LLGL2: variants seen among roughly 807,000 people sequenced by gnomAD.
LLGL2 encodes the protein LLGL2, scribble cell polarity complex component.
LLGL2 carries 81 observed loss-of-function variants against 123.2 expected under a neutral mutation model. The ratio of observed to expected loss-of-function variants is 0.66; its 90% CI spans 0.55 to 0.79. The LOEUF is 0.79. Ranked by LOEUF, LLGL2 falls within the 30% of genes least tolerant of loss-of-function variation. The pLI, the probability that LLGL2 is intolerant of heterozygous loss-of-function variation, is 0.00. For synonymous variants in LLGL2, 577 were observed against 594.1 expected (o/e 0.97, Z 0.42); for missense variants, 1,273 against 1,414.6 (o/e 0.90, Z 1.61).
intron 2 of LLGL2, 55 bp from the exon 3 acceptor site, chr17:75,555,991 T>C (rs987821800): frequency 7.2e-6 from 10 of 1,385,630 alleles, no homozygotes; most frequent in Non-Finnish European, 1.0e-5. Context: ...GCAGCAGCCA[T>C]GGTGGCGCGA....
chr17:75,573,138 A>G lies in LLGL2; in HGVS notation c.2585A>G (p.His862Arg). 3 of 1,613,050 alleles carry G rather than the reference A, an allele frequency of 1.9e-6. No homozygotes were observed. Among genetic ancestry groups the G allele is most frequent in the Non-Finnish European group, 1.7e-6 (2 of 1,179,990 alleles). Residue 862 changes from histidine to arginine, a missense_variant, in exon 20 of 26, where the codon CAC (histidine) becomes CGC (arginine). By Grantham distance (29) the His-to-Arg change is conservative (BLOSUM62 0). Coordinates refer to ENST00000392550, the MANE Select transcript of LLGL2 (RefSeq NM_001031803.2). ...GSRRAEDYGE[H>R]HLAVLTNLGD... ...CGTCGAGCCGAGGACTACGGGGAGC[A>G]CCACCTGGCAGTCCTTACCAACCTG...
Position 75,543,799 on chromosome 17 carries a change from C to T in LLGL2, c.75+298C>T, listed in dbSNP as rs563700137. Among the ~76,000 whole-genome samples, 380 of 152,278 alleles carry T rather than the reference C, an allele frequency of 2.5e-3. 1 individual carries two copies. Among genetic ancestry groups the T allele is most frequent in the Non-Finnish European group, 3.9e-3 (267 of 68,022 alleles). ...CCCTACCTGTATCATGGGAATAAAA[C>T]GATCTGCCATGTCTACCTCGGCACA... On this transcript the variant is annotated intron_variant, in intron 2 of 25. Transcript: ENST00000392550.
At chr17:75,530,648 T>C (rs57400426) in intron 1 of LLGL2, among the ~76,000 whole-genome samples, 8,115 of 32,754 alleles carry the variant, frequency 0.25, 843 homozygotes, top group African/African-American at 0.41. Flanking sequence ...AGACTCCATT[T>C]CAAAAAAAAA....
intron 23 of LLGL2, 43 bp downstream of exon 23, chr17:75,574,303 G>GGGGGGGGC: frequency 1.4e-5 from 7 of 513,400 alleles, no homozygotes; most frequent in African/African-American, 2.0e-5. Flanking sequence ...GAGGGGTGGG[G>GGGGGGGGC]AAGGGGGGTC....
Position 75,562,743 on chromosome 17 carries a change from T to C in LLGL2, c.531-273T>C, listed in dbSNP as rs539367300. On this transcript the variant is annotated intron_variant, in intron 6 of 25. Transcript: ENST00000392550. ...GCCACCACGCCCAGCTAATGTTTTA[T>C]ATTTTTAGTAGAGACAGGGTTTTGC... The C allele has an allele frequency of 3.8e-4, 177 of 463,304 alleles. 1 individual carries two copies. In the South Asian group the frequency reaches 4.1e-3, roughly 11 times the overall value. The allele number at this position is 463,304 out of a possible 1,614,324, so 28.7% of individuals were successfully genotyped here.
chr17:75,541,012 A>G (rs2147177413), intron 1 of LLGL2, among the ~76,000 whole-genome samples: 1 of 152,336 alleles, frequency 6.6e-6, no homozygotes, highest in Non-Finnish European at 1.5e-5. Context: ...AATAGGATGC[A>G]GAGGGTCTGG....
intron 3 of LLGL2, among the ~76,000 whole-genome samples, chr17:75,556,944 G>A (rs1661729): frequency 0.011 from 1,645 of 151,420 alleles, 30 homozygotes; most frequent in African/African-American, 0.037. Flanking sequence ...TGGGAGAATC[G>A]TTTGAACCTG....
In LLGL2 at chr17:75,570,478, C is replaced by A; in HGVS notation, c.2005C>A (p.Pro669Thr). The change falls in exon 16 of 26, where the codon CCG (proline) becomes ACG (threonine). Residue 669 changes from proline to threonine, a missense_variant. Physicochemically the swap from Pro to Thr is conservative, Grantham distance 38. Transcript: ENST00000392550. ...CCGGGTGTCCAGCCGGAAGCGGCAC[C>A]CGGCTGGCCCCCCAGGAGAGGTGAG... is the stretch of plus-strand genomic sequence containing the variant. The part of the protein sequence containing the change: ...RSRVSSRKRH[P>T]AGPPGEAQEG... 1 of 1,579,342 alleles carries A rather than the reference C, an allele frequency of 6.3e-7. No individual in the cohort carries two copies. The highest frequency in any genetic ancestry group is 8.6e-7 in the Non-Finnish European group (1 of 1,164,264).
At position 75,573,539 on chromosome 17, in the gene LLGL2, G is replaced by A; in HGVS notation, c.2784G>A (p.Leu928=). 6.2e-7 allele frequency: 1 copy of A among 1,612,930 alleles called. No individual in the cohort carries two copies. The highest frequency in any genetic ancestry group is 1.1e-5 in the South Asian group (1 of 91,084). Residue 928 remains leucine (L), a synonymous_variant, in exon 21 of 26, where the codon CTG becomes CTA. Coordinates refer to ENST00000392550, the MANE Select transcript of LLGL2 (RefSeq NM_001031803.2). ...FERFSLSTKW[L]VEPRCLVDSA... ...GCTTCTCTCTCTCCACCAAGTGGCT[G>A]GTGGAGCCCCGGTGTCTGGTGGATT...
At position 75,559,279 on chromosome 17, in the gene LLGL2, C is replaced by G. The variant is rs1299905576; in HGVS notation, c.399C>G (p.Thr133=). 3 of 1,611,508 alleles carry G rather than the reference C, an allele frequency of 1.9e-6. No homozygotes were observed. Residue 133 remains threonine (T), a synonymous_variant, in exon 6 of 26, where the codon ACC becomes ACG. Coordinates refer to ENST00000392550, the MANE Select transcript of LLGL2 (RefSeq NM_001031803.2). This position sits in a 1 kb window ranked among gnomAD's most constrained non-coding sequence, Gnocchi z 4.6. The part of the protein sequence containing the change: ...PGAAPSATQI[T]VVLPHSSCEL... ...CTGCCCCCAGTGCCACACAGATCACCGTGGTCCTGCCACATTCCTCCTGCG... is the reference window on the plus strand; with the variant it reads ...CTGCCCCCAGTGCCACACAGATCACGGTGGTCCTGCCACATTCCTCCTGCG...
At position 75,558,417 on chromosome 17, in the gene LLGL2, G is replaced by A. The variant is rs1279657733; in HGVS notation, c.256-95G>A. On this transcript the variant is annotated intron_variant, in intron 4 of 25. Transcript: ENST00000392550. The surrounding 1 kb of genome is among the most constrained non-coding windows in gnomAD (Gnocchi z 4.0). ...CATGGGCCACCCTGGGAGTGGCCAGGGGGTCTTTTAAACAACTGGGGCTGC... is the reference window on the plus strand; with the variant it reads ...CATGGGCCACCCTGGGAGTGGCCAGAGGGTCTTTTAAACAACTGGGGCTGC... 8.2e-7 allele frequency: 1 copy of A among 1,212,712 alleles called. No homozygotes were observed. The highest frequency in any genetic ancestry group is 2.6e-5 in the East Asian group (1 of 39,172). The allele number at this position is 1,212,712 out of a possible 1,614,324, so 75.1% of individuals were successfully genotyped here. A position where few individuals can be genotyped will look rare whatever the true frequency, so the allele number is the denominator to read the frequency against.
Position 75,573,604 on chromosome 17 carries a change from G to A in LLGL2, c.2849G>A (p.Gly950Asp), listed in dbSNP as rs142278602. ...AACCACCGCCCTGGTAACGGTGCGGGCCCCAAGAAGGCCCCGAGCCGAGCC... is the reference window on the plus strand; with the variant it reads ...AACCACCGCCCTGGTAACGGTGCGGACCCCAAGAAGGCCCCGAGCCGAGCC... ...TKNHRPGNGA[G>D]PKKAPSRARN... The change falls in exon 21 of 26, where the codon GGC (glycine) becomes GAC (aspartate). Residue 950 changes from glycine to aspartate, a missense_variant. Gly to Asp is a moderately conservative substitution (Grantham distance 94). Transcript: ENST00000392550. 4 of 1,609,256 alleles carry A rather than the reference G, an allele frequency of 2.5e-6. No individual in the cohort carries two copies. The African/African-American group carries it at 5.3e-5, about 21-fold the overall frequency.
intron 1 of LLGL2, among the ~76,000 whole-genome samples, chr17:75,537,691 CAT>C (rs922246573): frequency 7.3e-5 from 11 of 151,140 alleles, no homozygotes; most frequent in African/African-American, 2.4e-4. Flanking sequence ...AGCGAGACTC[CAT>C]CTCCAAAAAA....
intron 2 of LLGL2, among the ~76,000 whole-genome samples, chr17:75,551,788 C>T (rs1460156986): frequency 6.6e-6 from 1 of 152,200 alleles, no homozygotes; most frequent in African/African-American, 2.4e-5. Flanking sequence ...TTAAAATTTC[C>T]TAGAAGCTGC....
intron 16 of LLGL2, 91 bp from the exon 17 acceptor site, chr17:75,570,859 G>A (rs1378225063): frequency 3.4e-6 from 5 of 1,462,392 alleles, no homozygotes; most frequent in Non-Finnish European, 4.6e-6. Flanking sequence ...GCTGTGGCCT[G>A]CCTTCCGATG....
intron 14 of LLGL2, 110 bp downstream of exon 14, chr17:75,569,435 T>TAAA: frequency 1.1e-6 from 1 of 869,626 alleles, no homozygotes; most frequent in Non-Finnish European, 1.8e-6. Flanking sequence ...TCCTTTGCTT[T>TAAA]TCCGGTGGAT....
chr17:75,554,550 G>A (rs905847303), intron 2 of LLGL2, among the ~76,000 whole-genome samples: 1 of 151,648 alleles, frequency 6.6e-6, no homozygotes, highest in Non-Finnish European at 1.5e-5. Context: ...AGCCTGGGAG[G>A]CCAAGGCTAC....
Position 75,558,730 on chromosome 17 carries a change from C to T in LLGL2, c.371+103C>T, listed in dbSNP as rs140238776. ...TTTGTGAGGCCTGTTGCGCCCCTGG[C>T]AGTGACTGGCATGCGTTTGGCCCGA... On this transcript the variant is annotated intron_variant, in intron 5 of 25. Coordinates refer to ENST00000392550, the MANE Select transcript of LLGL2 (RefSeq NM_001031803.2). The surrounding 1 kb of genome is among the most constrained non-coding windows in gnomAD (Gnocchi z 4.0). 8.1e-4 allele frequency: 716 copies of T among 887,892 alleles called. 8 individuals carry two copies. In the African/African-American group the frequency reaches 0.011, roughly 13 times the overall value. 55.0% of individuals were successfully genotyped at this position (887,892 alleles called of 1,614,324 possible). A position where few individuals can be genotyped will look rare whatever the true frequency, so the allele number is the denominator to read the frequency against.
In LLGL2 at chr17:75,558,082, C is replaced by T; in HGVS notation, c.174-73C>T. On this transcript the variant is annotated intron_variant, in intron 3 of 25. Coordinates refer to ENST00000392550, the MANE Select transcript of LLGL2 (RefSeq NM_001031803.2). This position sits in a 1 kb window ranked among gnomAD's most constrained non-coding sequence, Gnocchi z 4.0. The stretch of plus-strand genomic sequence containing the variant: ...GTGTTTGCATCATTGCACATGGGCC[C>T]CGAGGGCCTGGCACTCAAGGCAGGC... 2.1e-6 allele frequency: 3 copies of T among 1,423,214 alleles called. No homozygotes were observed. The highest frequency in any genetic ancestry group is 3.0e-6 in the Non-Finnish European group (3 of 1,007,280). 88.2% of individuals were successfully genotyped at this position (1,423,214 alleles called of 1,614,324 possible).
Sources: allele counts gnomAD v4.1 joint callset (sites outside exome capture counted in the v4.1 genomes callset), GRCh38; gene constraint gnomAD v4.1.1; non-coding constraint Gnocchi (gnomAD v3.1); transcripts MANE v1.5; gene names NCBI Gene and HGNC (gene_info 2026-07-23, HGNC 2026-07-21).